PPP2R2C: variants seen among roughly 807,000 people sequenced by gnomAD.
PPP2R2C encodes protein phosphatase 2, regulatory subunit B, gamma.
Under a neutral mutation model 45.3 loss-of-function variants are expected in PPP2R2C, and 10 were observed. The ratio of observed to expected loss-of-function variants is 0.22; its 90% confidence interval spans 0.14 to 0.37. The LOEUF (loss-of-function observed/expected upper bound fraction) is 0.37. Ranked by LOEUF, PPP2R2C falls within the 10% of genes least tolerant of loss-of-function variation. The pLI is 1.00. For missense variants in PPP2R2C, 308 were observed against 619.7 expected (o/e 0.50, Z 5.34); for synonymous variants, 257 against 245.4 (o/e 1.05, Z -0.44).
intron 1 of PPP2R2C, among the ~76,000 whole-genome samples, chr4:6,397,299 C>A (rs942442736): frequency 2.0e-5 from 3 of 152,258 alleles, no homozygotes; most frequent in Admixed American, 6.5e-5. Flanking sequence ...GGCACCCCTG[C>A]TGCTTCTCAC....
chr4:6,548,314 C>T (rs1232887249), intron 1 of PPP2R2C, among the ~76,000 whole-genome samples: 1 of 152,300 alleles, frequency 6.6e-6, no homozygotes, highest in East Asian at 1.9e-4. Flanking sequence ...GCCTCCCGGT[C>T]CCCCACTGGT....
intron 2 of PPP2R2C, among the ~76,000 whole-genome samples, chr4:6,509,877 G>C (rs1349714815): frequency 6.6e-6 from 1 of 152,182 alleles, no homozygotes; most frequent in Non-Finnish European, 1.5e-5. Context: ...TGAGCAGTAA[G>C]TGCACTTGGT....
intron 2 of PPP2R2C, among the ~76,000 whole-genome samples, chr4:6,487,328 A>G (rs964482784): frequency 6.6e-6 from 1 of 151,714 alleles, no homozygotes; most frequent in East Asian, 1.9e-4. Flanking sequence ...ATAGATCCAT[A>G]TTTCCATCTA....
chr4:6,505,049 C>T (rs1014849222), intron 2 of PPP2R2C, among the ~76,000 whole-genome samples: 10 of 151,808 alleles, frequency 6.6e-5, no homozygotes, highest in Non-Finnish European at 1.3e-4. Flanking sequence ...GGAAAGAAGC[C>T]GGAGAAAAAT....
At chr4:6,563,639 C>A (rs1007487568), upstream of PPP2R2C, 2 of 141,804 alleles carry the variant, frequency 1.4e-5, no homozygotes, top group Admixed American at 7.2e-5. This position sits in a 1 kb window ranked among gnomAD's most constrained non-coding sequence, Gnocchi z 5.8. Context: ...GCGCGGCGGG[C>A]GCGGCGGGGG....
At chr4:6,337,110 GTGTATATATATATATATATATATATA>G (rs1176221216) in intron 6 of PPP2R2C, among the ~76,000 whole-genome samples, 21 of 41,502 alleles carry the variant, frequency 5.1e-4, no homozygotes, top group Admixed American at 1.1e-3. Context: ...GTATGTGTGT[GTGTATATATATATATATATATATATA>G]TATATATATA....
rs1715521244 is a variant in PPP2R2C at position 6,378,474 on chromosome 4, C to T, written c.267G>A (p.Glu89=). The part of the protein sequence containing the change: ...EFDYLKSLEI[E]EKINKIKWLP... ...GCCACTTGATCTTGTTGATCTTCTCCTCTATCTCCAGGCTCTTGAGATAGT... is the reference window on the plus strand; with the variant it reads ...GCCACTTGATCTTGTTGATCTTCTCTTCTATCTCCAGGCTCTTGAGATAGT... Residue 89 remains glutamate, a synonymous_variant, in exon 3 of 9, where the codon GAG becomes GAA. Transcript: ENST00000382599. The surrounding 1 kb of genome is among the most constrained non-coding windows in gnomAD (Gnocchi z 5.2). 11 of 1,614,082 alleles carry T rather than the reference C, an allele frequency of 6.8e-6. No individual in the cohort carries two copies. In the Admixed American group the frequency reaches 1.5e-4, roughly 22 times the overall value.
chr4:6,471,117 C>T lies in PPP2R2C; in HGVS notation c.70+1043G>A. 6.6e-6 allele frequency among the ~76,000 whole-genome samples: 1 copy of T among 152,182 alleles called. No homozygotes were observed. The highest frequency in any genetic ancestry group is 1.5e-5 in the Non-Finnish European group (1 of 68,014). On this transcript the variant is annotated intron_variant, in intron 1 of 8. Coordinates refer to ENST00000382599, the MANE Select transcript of PPP2R2C (RefSeq NM_020416.4). The surrounding 1 kb of genome is among the most constrained non-coding windows in gnomAD (Gnocchi z 5.6). ...GGTCTCCCTGACACAGGCACCCACG[C>T]GCACCTGCCCCGCGGGACCCGTGCC...
intron 4 of PPP2R2C, 104 bp from the exon 5 acceptor site, chr4:6,372,804 G>T: frequency 8.3e-7 from 1 of 1,207,960 alleles, no homozygotes; most frequent in Non-Finnish European, 1.2e-6. Context: ...GAACACAGGG[G>T]TGGGCGTCCA....
intron 1 of PPP2R2C, among the ~76,000 whole-genome samples, chr4:6,542,551 C>T (rs974399844): frequency 2.6e-5 from 4 of 151,610 alleles, no homozygotes; most frequent in South Asian, 2.1e-4. Flanking sequence ...AAAAATTAGC[C>T]AGGCATGGTG....
intron 2 of PPP2R2C, among the ~76,000 whole-genome samples, chr4:6,524,957 G>A (rs1206596182): frequency 1.3e-5 from 2 of 151,942 alleles, no homozygotes; most frequent in Non-Finnish European, 2.9e-5. Context: ...ACACATGGTA[G>A]CATTTTAAAA....
chr4:6,352,488 G>A (rs12504065), intron 5 of PPP2R2C, among the ~76,000 whole-genome samples: 10,476 of 152,142 alleles, frequency 0.069, 706 homozygotes, highest in Admixed American at 0.21. Context: ...CTTTCCCCTG[G>A]CAAAGCTGCT....
At chr4:6,452,232 T>A (rs1001462728) in intron 1 of PPP2R2C, among the ~76,000 whole-genome samples, 2 of 152,166 alleles carry the variant, frequency 1.3e-5, no homozygotes, top group Non-Finnish European at 2.9e-5. Context: ...GGGGGCCATC[T>A]GTCCCTTCAG....
intron 6 of PPP2R2C, among the ~76,000 whole-genome samples, chr4:6,337,796 C>T (rs1264154090): frequency 7.2e-6 from 1 of 138,724 alleles, no homozygotes; most frequent in Non-Finnish European, 1.6e-5. Flanking sequence ...TGGCCCTTGT[C>T]GCCCCACTGC....
intron 2 of PPP2R2C, among the ~76,000 whole-genome samples, chr4:6,512,390 TG>T (rs1723648552): frequency 1.3e-5 from 1 of 78,626 alleles, no homozygotes; most frequent in Non-Finnish European, 3.0e-5. Flanking sequence ...GTGGTGGTGA[TG>T]GTGGTGGTGG....
At chr4:6,509,482 AAAAT>A (rs1421667189) in intron 2 of PPP2R2C, among the ~76,000 whole-genome samples, 8 of 152,166 alleles carry the variant, frequency 5.3e-5, no homozygotes, top group East Asian at 1.9e-4. Flanking sequence ...TGGCAAAAAA[AAAAT>A]AAATAAATAA....
At chr4:6,550,440 C>G (rs1478941837) in intron 1 of PPP2R2C, among the ~76,000 whole-genome samples, 1 of 152,228 alleles carries the variant, frequency 6.6e-6, no homozygotes, top group Non-Finnish European at 1.5e-5. Flanking sequence ...CTTCACCCTT[C>G]ACTAACAAGC....
intron 1 of PPP2R2C, chr4:6,535,478 GCC>G: frequency 1.3e-6 from 1 of 780,668 alleles, no homozygotes; most frequent in South Asian, 1.8e-5. Context: ...ACCCACGGCC[GCC>G]CTGGCCGCCG....
At chr4:6,415,492 G>T (rs1718515944) in intron 1 of PPP2R2C, among the ~76,000 whole-genome samples, 1 of 152,226 alleles carries the variant, frequency 6.6e-6, no homozygotes. Context: ...AGGGCAAGCA[G>T]GCTTTCTCAG....
Sources: allele counts gnomAD v4.1 joint callset (sites outside exome capture counted in the v4.1 genomes callset), GRCh38; gene constraint gnomAD v4.1.1; non-coding constraint Gnocchi (gnomAD v3.1); transcripts MANE v1.5; gene names NCBI Gene and HGNC (gene_info 2026-07-23, HGNC 2026-07-21).